The following CASZ1 variants were observed in gnomAD, a reference collection of about 807,000 sequenced individuals.
CASZ1 encodes zinc finger protein castor homolog 1.
A neutral mutation model predicts 135.2 loss-of-function variants in CASZ1; 28 were observed. The ratio of observed to expected loss-of-function variants is 0.21; its 90% CI spans 0.15 to 0.28. CASZ1 has a LOEUF of 0.28. Ranked by LOEUF, CASZ1 falls within the 10% of genes least tolerant of loss-of-function variation. The pLI, the probability that CASZ1 is intolerant of heterozygous loss-of-function variation, is 1.00. For missense variants in CASZ1, 2,161 were observed against 2,453.3 expected (o/e 0.88, Z 2.52); for synonymous variants, 1,068 against 1,073.4 (o/e 0.99, Z 0.10).
In CASZ1 at chr1:10,659,771, G is replaced by A; in HGVS notation, c.1271C>T (p.Thr424Ile). ...PEPPASLSFNTPEYLKSTFSK... is the reference protein window; with the variant it reads ...PEPPASLSFNIPEYLKSTFSK... ...GAAGGTTGACTTCAGGTACTCGGGA[G>A]TGTTGAAGGACAGGGAGGCAGGAGG... is the stretch of plus-strand genomic sequence containing the variant. Residue 424 changes from threonine (T) to isoleucine (I), a missense_variant, in exon 6 of 21, where the codon ACT becomes ATT. Around this residue, in one of 7 missense-constraint regions of CASZ1, gnomAD observed 590 missense variants for 609.8 expected, o/e 0.97. Coordinates refer to ENST00000377022, the MANE Select transcript of CASZ1 (RefSeq NM_001079843.3). 2.5e-6 allele frequency: 4 copies of A among 1,614,040 alleles called. No individual in the cohort carries two copies. Among genetic ancestry groups the A allele is most frequent in the Non-Finnish European group, 3.4e-6 (4 of 1,179,922 alleles).
chr1:10,706,518 C>T lies in CASZ1; in HGVS notation c.-76-974G>A, dbSNP rs187759772. The stretch of plus-strand genomic sequence containing the variant: ...ACCAATTTCCTTAGGCTATGTAATC[C>T]CCAAATCAGATTGGGGGGATTGTGG... On this transcript the variant is annotated intron_variant, in intron 2 of 20. Coordinates refer to ENST00000377022, the MANE Select transcript of CASZ1 (RefSeq NM_001079843.3). This position sits in a 1 kb window ranked among gnomAD's most constrained non-coding sequence, Gnocchi z 4.3. Among the ~76,000 whole-genome samples the T allele has an allele frequency of 6.6e-6, 1 of 152,298 alleles. No homozygotes were observed. The highest frequency in any genetic ancestry group is 2.4e-5 in the African/African-American group (1 of 41,568).
At position 10,747,553 on chromosome 1, in the gene CASZ1, G is replaced by A. The variant is rs558984844; in HGVS notation, c.-77+13148C>T. Reference sequence around the variant, plus strand: ...AGCTGCAGTCCCTGTCCCGGGCTTTGCAGAGTGGGGAGAAGGTGAGGTGGG... The same window carrying A: ...AGCTGCAGTCCCTGTCCCGGGCTTTACAGAGTGGGGAGAAGGTGAGGTGGG... On this transcript the variant is annotated intron_variant, in intron 2 of 20. Coordinates refer to ENST00000377022, the MANE Select transcript of CASZ1 (RefSeq NM_001079843.3). The surrounding 1 kb of genome is among the most constrained non-coding windows in gnomAD (Gnocchi z 4.3). 5.7e-4 allele frequency among the ~76,000 whole-genome samples: 87 copies of A among 152,300 alleles called. No homozygotes were observed. The highest frequency in any genetic ancestry group is 1.9e-3 in the African/African-American group (81 of 41,564).
At position 10,650,372 on chromosome 1, in the gene CASZ1, T is replaced by C. The variant is rs529016008; in HGVS notation, c.2880+320A>G. 4 of 160,028 alleles carry C rather than the reference T, an allele frequency of 2.5e-5. 1 individual carries two copies. Among genetic ancestry groups the C allele is most frequent in the African/African-American group, 4.8e-5 (2 of 41,556 alleles). 9.9% of individuals were successfully genotyped at this position (160,028 alleles called of 1,614,324 possible). A position where few individuals can be genotyped will look rare whatever the true frequency, so the allele number is the denominator to read the frequency against. On this transcript the variant is annotated intron_variant, in intron 13 of 20. Coordinates refer to ENST00000377022, the MANE Select transcript of CASZ1 (RefSeq NM_001079843.3). The stretch of plus-strand genomic sequence containing the variant: ...TCCCCTTTTAAACAAACAAAAAATA[T>C]ATATAAAATAAATAAATAAAATTAA...
intron 1 of CASZ1, among the ~76,000 whole-genome samples, chr1:10,768,353 G>A (rs1344065503): frequency 6.6e-6 from 1 of 152,126 alleles, no homozygotes; most frequent in Non-Finnish European, 1.5e-5. Context: ...AAGTAGCTGG[G>A]ATTACAGGCA....
intron 1 of CASZ1, among the ~76,000 whole-genome samples, chr1:10,769,003 T>C (rs1307768373): frequency 6.6e-6 from 1 of 152,140 alleles, no homozygotes; most frequent in Admixed American, 6.5e-5. Flanking sequence ...TAGCCGGGTG[T>C]GGTGGCGGCG....
chr1:10,779,091 A>G (rs992451668), intron 1 of CASZ1, among the ~76,000 whole-genome samples: 17 of 152,134 alleles, frequency 1.1e-4, no homozygotes, highest in African/African-American at 4.1e-4. Context: ...TGGTGAAACA[A>G]AAGAAAGTTT....
chr1:10,794,042 C>T lies in CASZ1; in HGVS notation c.-234+2522G>A, dbSNP rs918318255. Among the ~76,000 whole-genome samples the T allele has an allele frequency of 6.6e-6, 1 of 152,172 alleles. No homozygotes were observed. The highest frequency in any genetic ancestry group is 1.5e-5 in the Non-Finnish European group (1 of 68,004). On this transcript the variant is annotated intron_variant, in intron 1 of 20. Transcript: ENST00000377022. The surrounding 1 kb of genome is among the most constrained non-coding windows in gnomAD (Gnocchi z 5.6). ...CCCCTCCGGGCACGTGGAGCGCAGC[C>T]CCGGCTCAGCCCCCGGGGAACAACT...
intron 2 of CASZ1, among the ~76,000 whole-genome samples, chr1:10,728,608 T>C (rs879154675): frequency 6.6e-6 from 1 of 152,110 alleles, no homozygotes; most frequent in Non-Finnish European, 1.5e-5. Context: ...ATTATTATTT[T>C]ATTTTTTATT....
At chr1:10,752,713 T>G (rs560892393) in intron 2 of CASZ1, among the ~76,000 whole-genome samples, 2 of 152,284 alleles carry the variant, frequency 1.3e-5, no homozygotes, top group African/African-American at 4.8e-5. Flanking sequence ...GAAAATACAG[T>G]ATGCCCAGTG....
In CASZ1 at chr1:10,639,317, C is replaced by T. The variant is rs1160568102; in HGVS notation, c.4905G>A (p.Ala1635=). The T allele has an allele frequency of 6.9e-7, 1 of 1,441,610 alleles. No homozygotes were observed. Among genetic ancestry groups the T allele is most frequent in the Non-Finnish European group, 9.0e-7 (1 of 1,106,744 alleles). 89.3% of individuals were successfully genotyped at this position (1,441,610 alleles called of 1,614,324 possible). A position where few individuals can be genotyped will look rare whatever the true frequency, so the allele number is the denominator to read the frequency against. ...EPGSLLFLQS[A]AAGLGLALGD... ...CCAGCGCCAGGCCCAGGCCGGCGGC[C>T]GCCGACTGCAGGAAGAGCAGCGAGC... The change falls in exon 21 of 21, where the codon GCG becomes GCA. Residue 1635 remains alanine, a synonymous_variant. Coordinates refer to ENST00000377022, the MANE Select transcript of CASZ1 (RefSeq NM_001079843.3). This position sits in a 1 kb window ranked among gnomAD's most constrained non-coding sequence, Gnocchi z 4.0.
At position 10,654,541 on chromosome 1, in the gene CASZ1, C is replaced by T. The variant is rs766448895; in HGVS notation, c.1716G>A (p.Glu572=). Residue 572 remains glutamate (E), a synonymous_variant, in exon 10 of 21, where the codon GAG becomes GAA. Transcript: ENST00000377022. ...YTSTSDVMTH[E]NFHKKNTQLI... is the part of the protein sequence containing the mutation. ...GCTGGGTATTCTTCTTGTGGAAGTT[C>T]TCGTGGGTCATCACGTCAGACGTGC... The T allele has an allele frequency of 1.9e-6, 3 of 1,614,122 alleles. No individual in the cohort carries two copies. The highest frequency in any genetic ancestry group is 1.7e-5 in the Admixed American group (1 of 60,016).
intron 5 of CASZ1, among the ~76,000 whole-genome samples, chr1:10,664,271 G>A (rs1351564933): frequency 1.3e-5 from 2 of 152,106 alleles, no homozygotes; most frequent in East Asian, 1.9e-4. Context: ...GAAGGAGGCC[G>A]GGGGCAGAGA....
Position 10,707,783 on chromosome 1 carries a change from T to C in CASZ1, c.-76-2239A>G, listed in dbSNP as rs1639207318. On this transcript the variant is annotated intron_variant, in intron 2 of 20. Coordinates refer to ENST00000377022, the MANE Select transcript of CASZ1 (RefSeq NM_001079843.3). The surrounding 1 kb of genome is among the most constrained non-coding windows in gnomAD (Gnocchi z 5.0). ...TCTCTCTGCCTCTCACTGTCCCCAC[T>C]GTCTGCTTTGTGAGTGGCCCATATG... Among the ~76,000 whole-genome samples the C allele has an allele frequency of 6.6e-6, 1 of 152,200 alleles. No individual in the cohort carries two copies. The highest frequency in any genetic ancestry group is 1.5e-5 in the Non-Finnish European group (1 of 68,028).
chr1:10,737,346 C>T lies in CASZ1; in HGVS notation c.-77+23355G>A, dbSNP rs546239965. 1.9e-3 allele frequency among the ~76,000 whole-genome samples: 287 copies of T among 149,182 alleles called. 6 individuals are homozygous for T. In the Admixed American group the frequency reaches 0.019, roughly 10 times the overall value. ...TCCCCTCTCAGGCTGGGCATGGAGC[C>T]CAGGGCTGCCGTCAGCCTGGAGGGG... is the stretch of plus-strand genomic sequence containing the variant. On this transcript the variant is annotated intron_variant, in intron 2 of 20. Transcript: ENST00000377022.
At position 10,657,723 on chromosome 1, in the gene CASZ1, G is replaced by A. The variant is rs1224211132; in HGVS notation, c.1409+785C>T. ...GGAGGCGGAGAGACAGAGCGGGCGG[G>A]AGGAACCTGGAAGATCTGCGGACAG... On this transcript the variant is annotated intron_variant, in intron 7 of 20. Coordinates refer to ENST00000377022, the MANE Select transcript of CASZ1 (RefSeq NM_001079843.3). This position sits in a 1 kb window ranked among gnomAD's most constrained non-coding sequence, Gnocchi z 5.7. Among the ~76,000 whole-genome samples, 1 of 149,394 alleles carries A rather than the reference G, an allele frequency of 6.7e-6. No homozygotes were observed. The highest frequency in any genetic ancestry group is 6.7e-5 in the Admixed American group (1 of 14,874).
At chr1:10,787,802 A>T (rs1640885892) in intron 1 of CASZ1, among the ~76,000 whole-genome samples, 1 of 152,052 alleles carries the variant, frequency 6.6e-6, no homozygotes, top group Non-Finnish European at 1.5e-5. Context: ...AGAAAAGCAG[A>T]ATCCACCCGC....
chr1:10,754,900 C>T lies in CASZ1; in HGVS notation c.-77+5801G>A, dbSNP rs1022380789. Among the ~76,000 whole-genome samples, 4 of 152,342 alleles carry T rather than the reference C, an allele frequency of 2.6e-5. No homozygotes were observed. In the East Asian group the frequency reaches 5.8e-4, roughly 22 times the overall value. On this transcript the variant is annotated intron_variant, in intron 2 of 20. Transcript: ENST00000377022. ...AAAAGTCGCTTTTAATTGCTTTTCC[C>T]GATTAGCATTTCTGGAGAAGAAACT...
At position 10,726,998 on chromosome 1, in the gene CASZ1, G is replaced by A. The variant is rs527972616; in HGVS notation, c.-76-21454C>T. Among the ~76,000 whole-genome samples, 4 of 152,312 alleles carry A rather than the reference G, an allele frequency of 2.6e-5. No homozygotes were observed. The highest frequency in any genetic ancestry group is 1.9e-4 in the East Asian group (1 of 5,184). ...AGCCAGGACGGAGGGGAGGGAGACCGGGAGAGGTGACTGGCAAGGTTTTCA... is the reference window on the plus strand; with the variant it reads ...AGCCAGGACGGAGGGGAGGGAGACCAGGAGAGGTGACTGGCAAGGTTTTCA... On this transcript the variant is annotated intron_variant, in intron 2 of 20. Coordinates refer to ENST00000377022, the MANE Select transcript of CASZ1 (RefSeq NM_001079843.3). This position sits in a 1 kb window ranked among gnomAD's most constrained non-coding sequence, Gnocchi z 5.7.
intron 13 of CASZ1, 67 bp downstream of exon 13, chr1:10,650,625 C>A (rs781443095): frequency 7.6e-7 from 1 of 1,322,160 alleles, no homozygotes; most frequent in Non-Finnish European, 1.1e-6. Flanking sequence ...CACATCCCCC[C>A]ACCCCCCAGC....
Sources: allele counts gnomAD v4.1 joint callset (sites outside exome capture counted in the v4.1 genomes callset), GRCh38; gene constraint gnomAD v4.1.1; regional missense constraint gnomAD v4.1.1; non-coding constraint Gnocchi (gnomAD v3.1); transcripts MANE v1.5; gene names NCBI Gene and HGNC (gene_info 2026-07-23, HGNC 2026-07-21).